BMERB1: variants seen among roughly 807,000 people sequenced by gnomAD.
BMERB1 encodes bMERB domain-containing protein 1.
BMERB1 carries 12 observed loss-of-function variants against 23.6 expected under a neutral mutation model. The ratio of observed to expected loss-of-function variants is 0.51; its 90% CI spans 0.33 to 0.82. The LOEUF is 0.82. Among genes scored for constraint, BMERB1 ranks in the 40% least tolerant of loss-of-function variants. BMERB1 has a pLI of 0.03. For missense variants in BMERB1, 247 were observed against 255.4 expected (o/e 0.97, Z 0.22); for synonymous variants, 122 against 96.6 (o/e 1.26, Z -1.54).
intron 2 of BMERB1, among the ~76,000 whole-genome samples, chr16:15,546,873 C>T (rs779504859): frequency 5.9e-5 from 9 of 152,144 alleles, no homozygotes; most frequent in Non-Finnish European, 1.3e-4. Context: ...CCCAATAAAA[C>T]TTGTTTAATC....
At chr16:15,519,241 G>C (rs2051819807) in intron 2 of BMERB1, among the ~76,000 whole-genome samples, 1 of 152,168 alleles carries the variant, frequency 6.6e-6, no homozygotes, top group Non-Finnish European at 1.5e-5. Context: ...GGTGGCCGTA[G>C]TGTAATAGCC....
At chr16:15,495,601 C>G (rs1340025283) in intron 1 of BMERB1, among the ~76,000 whole-genome samples, 1 of 151,950 alleles carries the variant, frequency 6.6e-6, no homozygotes, top group East Asian at 2.0e-4. Flanking sequence ...CTCCTGACCT[C>G]GTGATCTGCC....
chr16:15,522,897 C>A (rs1225184208), intron 2 of BMERB1, among the ~76,000 whole-genome samples: 1 of 152,144 alleles, frequency 6.6e-6, no homozygotes, highest in Admixed American at 6.5e-5. Flanking sequence ...TATCTATAGG[C>A]GGCTTGTGTT....
chr16:15,516,817 C>G (rs1598487875), intron 2 of BMERB1, among the ~76,000 whole-genome samples: 1 of 152,154 alleles, frequency 6.6e-6, no homozygotes, highest in Non-Finnish European at 1.5e-5. Flanking sequence ...TCAGCTCTTT[C>G]TGCTTTTAAA....
intron 1 of BMERB1, among the ~76,000 whole-genome samples, chr16:15,504,751 C>G (rs1158973123): frequency 2.7e-5 from 4 of 150,932 alleles, no homozygotes; most frequent in African/African-American, 9.8e-5. Context: ...CCACATCCAG[C>G]CACATTTTCT....
intron 5 of BMERB1, 25 bp downstream of exon 5, chr16:15,583,263 C>T (rs766702704): frequency 1.3e-6 from 2 of 1,523,228 alleles, no homozygotes; most frequent in Admixed American, 1.7e-5. Context: ...TATTCATTCC[C>T]CTCCCCCACA....
At chr16:15,519,911 C>A (rs558007988) in intron 2 of BMERB1, among the ~76,000 whole-genome samples, 2 of 151,990 alleles carry the variant, frequency 1.3e-5, no homozygotes, top group African/African-American at 2.4e-5. Context: ...GGTGAGAACT[C>A]GGGAGATGTG....
chr16:15,435,170 G>C (rs918121867), intron 1 of BMERB1, among the ~76,000 whole-genome samples: 34 of 152,328 alleles, frequency 2.2e-4, no homozygotes, highest in Admixed American at 2.0e-4. Flanking sequence ...CCCTGGAGAG[G>C]GGGGAGTGTC....
intron 1 of BMERB1, among the ~76,000 whole-genome samples, chr16:15,495,162 G>T (rs2051461471): frequency 6.6e-6 from 1 of 151,782 alleles, no homozygotes; most frequent in Admixed American, 6.6e-5. Flanking sequence ...GGGATTACAG[G>T]TGTGAGCCAT....
At chr16:15,492,005 G>C (rs2051425390) in intron 1 of BMERB1, among the ~76,000 whole-genome samples, 1 of 152,172 alleles carries the variant, frequency 6.6e-6, no homozygotes, top group Admixed American at 6.5e-5. Context: ...CCTGGTGTGT[G>C]GCGGGCATGT....
intron 2 of BMERB1, among the ~76,000 whole-genome samples, chr16:15,560,629 C>T (rs1298646244): frequency 6.6e-6 from 1 of 151,600 alleles, no homozygotes; most frequent in African/African-American, 2.4e-5. Context: ...CCTTCTCTAC[C>T]AAAAATACAA....
chr16:15,476,759 T>A (rs1438710146), intron 1 of BMERB1, among the ~76,000 whole-genome samples: 4 of 152,146 alleles, frequency 2.6e-5, no homozygotes, highest in Non-Finnish European at 5.9e-5. Flanking sequence ...CCTGATGACA[T>A]GGCTGTGGCA....
intron 1 of BMERB1, among the ~76,000 whole-genome samples, chr16:15,508,365 A>G (rs1198489394): frequency 6.6e-6 from 1 of 152,158 alleles, no homozygotes. Context: ...TTCGTGGGCC[A>G]GGGAGTCTCT....
intron 2 of BMERB1, among the ~76,000 whole-genome samples, chr16:15,520,629 G>A (rs936301167): frequency 6.6e-6 from 1 of 151,738 alleles, no homozygotes; most frequent in Non-Finnish European, 1.5e-5. Flanking sequence ...GACTACAGGC[G>A]CCCGCCACCA....
At chr16:15,498,748 C>G (rs577249502) in intron 1 of BMERB1, among the ~76,000 whole-genome samples, 1 of 152,226 alleles carries the variant, frequency 6.6e-6, no homozygotes, top group East Asian at 1.9e-4. Context: ...AGTCTAAACC[C>G]GTGGTTTTCA....
At chr16:15,546,178 C>A (rs557534566) in intron 2 of BMERB1, among the ~76,000 whole-genome samples, 1 of 152,132 alleles carries the variant, frequency 6.6e-6, no homozygotes, top group Admixed American at 6.5e-5. Context: ...TTTCCAGCCA[C>A]TCAGGAGGCT....
intron 2 of BMERB1, among the ~76,000 whole-genome samples, chr16:15,558,954 G>C (rs143696065): frequency 6.7e-6 from 1 of 149,924 alleles, no homozygotes; most frequent in African/African-American, 2.4e-5. Context: ...TCTCTTAAGG[G>C]CTTTCTCTAA....
intron 3 of BMERB1, chr16:15,577,144 GAGA>G (rs2030886110): frequency 6.6e-6 from 1 of 152,142 alleles, no homozygotes; most frequent in Non-Finnish European, 1.5e-5. Context: ...GGCTGGCAAA[GAGA>G]AGGGAGCGTG....
intron 2 of BMERB1, among the ~76,000 whole-genome samples, chr16:15,529,536 G>C (rs1259270074): frequency 6.6e-6 from 1 of 152,126 alleles, no homozygotes; most frequent in Non-Finnish European, 1.5e-5. Flanking sequence ...TCATTGGTGT[G>C]AGTGTATGTT....
Sources: gnomAD v4.1 joint callset for allele counts (sites outside exome capture counted in the v4.1 genomes callset) on GRCh38, gnomAD v4.1.1 for gene constraint, MANE v1.5 for transcripts, NCBI Gene and HGNC (gene_info 2026-07-23, HGNC 2026-07-21) for gene names.